The following MAGI2 variants were observed in gnomAD, a reference collection of about 807,000 sequenced individuals.
MAGI2 encodes membrane-associated guanylate kinase, WW and PDZ domain-containing protein 2.
Under a neutral mutation model 133.3 loss-of-function variants are expected in MAGI2, and 35 were observed. The observed-to-expected ratio is 0.26, with a 90% CI of 0.20 to 0.35. MAGI2 has a LOEUF of 0.35. Ranked by LOEUF, MAGI2 falls within the 10% of genes least tolerant of loss-of-function variation. The probability of loss-of-function intolerance (pLI) is 1.00; values close to 1 mark genes in which losing one functional copy is unlikely to be tolerated. For synonymous variants in MAGI2, 729 were observed against 710.6 expected (o/e 1.03, Z -0.41); for missense variants, 1,636 against 1,863.4 (o/e 0.88, Z 2.25).
At chr7:78,096,720 G>C (rs1315456564) in intron 20 of MAGI2, among the ~76,000 whole-genome samples, 1 of 152,078 alleles carries the variant, frequency 6.6e-6, no homozygotes, top group East Asian at 1.9e-4. Context: ...TACTGCAGTA[G>C]AGTTGAGTAG....
intron 4 of MAGI2, 141 bp from the exon 5 acceptor site, chr7:78,501,928 T>A: frequency 3.2e-6 from 2 of 631,062 alleles, no homozygotes; most frequent in South Asian, 3.8e-5. Context: ...AAAAGCATAA[T>A]GATCACTAGG....
intron 1 of MAGI2, among the ~76,000 whole-genome samples, chr7:79,091,870 A>T (rs1817083204): frequency 6.6e-6 from 1 of 151,988 alleles, no homozygotes. Flanking sequence ...GAAATTTTCC[A>T]ACCATTTAAA....
intron 2 of MAGI2, among the ~76,000 whole-genome samples, chr7:78,874,152 G>A (rs546637961): frequency 6.6e-6 from 1 of 152,126 alleles, no homozygotes; most frequent in Non-Finnish European, 1.5e-5. Context: ...AATAAAAAAT[G>A]TGTAACACTA....
chr7:78,778,630 G>A (rs1378021604), intron 2 of MAGI2, among the ~76,000 whole-genome samples: 1 of 152,062 alleles, frequency 6.6e-6, no homozygotes, highest in African/African-American at 2.4e-5. Context: ...AAAATGAAGA[G>A]CATGGAAGCT....
intron 21 of MAGI2, among the ~76,000 whole-genome samples, chr7:78,060,174 A>G (rs17160747): frequency 0.044 from 6,645 of 152,168 alleles, 194 homozygotes; most frequent in South Asian, 0.077. Context: ...CTTCCACTCA[A>G]CAATTAACAC....
intron 6 of MAGI2, among the ~76,000 whole-genome samples, chr7:78,461,286 G>A (rs1180861515): frequency 6.6e-6 from 1 of 152,064 alleles, no homozygotes; most frequent in Non-Finnish European, 1.5e-5. Context: ...CTCTAAGAGA[G>A]GGTTTGTTTC....
intron 2 of MAGI2, among the ~76,000 whole-genome samples, chr7:78,798,355 G>A (rs906446125): frequency 6.6e-6 from 1 of 152,070 alleles, no homozygotes; most frequent in African/African-American, 2.4e-5. Flanking sequence ...AAAATTCAGT[G>A]ATATAAGTTA....
At chr7:78,695,779 A>G (rs1817447033) in intron 2 of MAGI2, among the ~76,000 whole-genome samples, 2 of 152,148 alleles carry the variant, frequency 1.3e-5, no homozygotes, top group African/African-American at 2.4e-5. Context: ...TGGTTTGACA[A>G]TTTTTTAGAG....
At chr7:78,685,922 A>G (rs186625341) in intron 2 of MAGI2, among the ~76,000 whole-genome samples, 5 of 151,856 alleles carry the variant, frequency 3.3e-5, no homozygotes, top group African/African-American at 7.3e-5. Context: ...TTTCTCAAAG[A>G]AAAAGAAGTT....
intron 3 of MAGI2, among the ~76,000 whole-genome samples, chr7:78,539,523 A>C (rs1216741110): frequency 6.6e-6 from 1 of 152,118 alleles, no homozygotes; most frequent in Non-Finnish European, 1.5e-5. Context: ...TGATGTAGGC[A>C]TTTAATGCTA....
At position 78,019,717 on chromosome 7, in the gene MAGI2, C is replaced by T. The variant is rs2151031005; in HGVS notation, c.3966G>A (p.Arg1322=). ...EQRERSASPQ[R]AARPRLEEAP... ...CCTCCTCGAGCCTCGGCCGCGCGGC[C>T]CTCTGCGGACTCGCCGAGCGCTCCC... The change falls in exon 22 of 22, where the codon AGG becomes AGA. Residue 1322 remains arginine, a synonymous_variant. Coordinates refer to ENST00000354212, the MANE Select transcript of MAGI2 (RefSeq NM_012301.4). 2 of 1,602,908 alleles carry T rather than the reference C, an allele frequency of 1.2e-6. No individual in the cohort carries two copies. Among genetic ancestry groups the T allele is most frequent in the East Asian group, 2.2e-5 (1 of 44,506 alleles).
At chr7:78,742,191 C>G (rs1376120957) in intron 2 of MAGI2, among the ~76,000 whole-genome samples, 1 of 151,896 alleles carries the variant, frequency 6.6e-6, no homozygotes, top group African/African-American at 2.4e-5. Context: ...ACCAAAAGAC[C>G]TTTCCAAGGT....
At chr7:79,157,554 T>G (rs1427795866) in intron 1 of MAGI2, among the ~76,000 whole-genome samples, 1 of 71,696 alleles carries the variant, frequency 1.4e-5, no homozygotes, top group Non-Finnish European at 4.4e-5. Context: ...AGATCCTCCT[T>G]TTAAGAAAAA....
intron 3 of MAGI2, among the ~76,000 whole-genome samples, chr7:78,532,168 C>T (rs1797524489): frequency 6.6e-6 from 1 of 152,128 alleles, no homozygotes; most frequent in Admixed American, 6.5e-5. Flanking sequence ...TTAGGACATA[C>T]CTCTAAAATG....
At chr7:78,584,144 G>A (rs543422727) in intron 3 of MAGI2, among the ~76,000 whole-genome samples, 4 of 152,234 alleles carry the variant, frequency 2.6e-5, no homozygotes, top group East Asian at 1.9e-4. Flanking sequence ...CACTGGGGCC[G>A]GGCACGGTGG....
chr7:78,364,079 G>A (rs1793128511), intron 7 of MAGI2, among the ~76,000 whole-genome samples: 1 of 151,800 alleles, frequency 6.6e-6, no homozygotes, highest in African/African-American at 2.4e-5. Flanking sequence ...AGATCTCACA[G>A]CTGGCGAGCT....
chr7:78,925,505 G>A (rs1228740449), intron 2 of MAGI2, among the ~76,000 whole-genome samples: 1 of 151,882 alleles, frequency 6.6e-6, no homozygotes, highest in African/African-American at 2.4e-5. Flanking sequence ...AATCCAATAG[G>A]TCTCAAAGTG....
At chr7:78,867,645 C>G (rs1280085422) in intron 2 of MAGI2, among the ~76,000 whole-genome samples, 1 of 151,234 alleles carries the variant, frequency 6.6e-6, no homozygotes, top group African/African-American at 2.4e-5. Flanking sequence ...ACATATGTAA[C>G]TAACCTGCAC....
chr7:78,082,636 G>A (rs889289492), intron 20 of MAGI2, among the ~76,000 whole-genome samples: 1 of 152,146 alleles, frequency 6.6e-6, no homozygotes, highest in South Asian at 2.1e-4. Context: ...TTGGAGCAAC[G>A]GAAGTTTGGG....
Sources: gnomAD v4.1 joint callset for allele counts (sites outside exome capture counted in the v4.1 genomes callset) on GRCh38, gnomAD v4.1.1 for gene constraint, MANE v1.5 for transcripts, NCBI Gene and HGNC (gene_info 2026-07-23, HGNC 2026-07-21) for gene names.